Variants in C14orf132 observed in about 807,000 individuals in gnomAD.
The protein encoded by C14orf132 is chromosome 14 open reading frame 132.
A neutral mutation model predicts 5.8 loss-of-function variants in C14orf132; 6 were observed. The ratio of observed to expected loss-of-function variants is 1.03; its 90% CI spans 0.57 to 2.04. The LOEUF (loss-of-function observed/expected upper bound fraction) is 2.04. C14orf132 is among the 30% of genes most tolerant of loss of function. The probability of loss-of-function intolerance (pLI) is 0.00; values close to 1 mark genes in which losing one functional copy is unlikely to be tolerated. For synonymous variants in C14orf132, 51 were observed against 49.8 expected, an observed-to-expected ratio of 1.02 and a Z score of -0.10; for missense variants, 125 against 115.8, an observed-to-expected ratio of 1.08 and a Z score of -0.37.
chr14:96,040,394 T>A, intron 1 of C14orf132: 1 of 397,584 alleles, frequency 2.5e-6, no homozygotes, highest in East Asian at 3.6e-5. Context: ...CAAAGCCACA[T>A]CTTGCACCTT....
At chr14:96,086,474 C>T (rs1888188881) in intron 1 of C14orf132, 37 bp from the exon 2 acceptor site, 1 of 1,521,240 alleles carries the variant, frequency 6.6e-7, no homozygotes, top group Non-Finnish European at 8.8e-7. Flanking sequence ...CCCAAGCCCC[C>T]ATGGCCCTGG....
At chr14:96,055,795 T>A (rs1887165634) in intron 1 of C14orf132, among the ~76,000 whole-genome samples, 1 of 152,224 alleles carries the variant, frequency 6.6e-6, no homozygotes, top group African/African-American at 2.4e-5. Flanking sequence ...CCCATCCTTC[T>A]GACCACTTAA....
chr14:96,039,914 C>T lies in C14orf132; in HGVS notation c.27+387C>T, dbSNP rs1308046435. 6.6e-6 allele frequency among the ~76,000 whole-genome samples: 1 copy of T among 152,192 alleles called. No homozygotes were observed. The highest frequency in any genetic ancestry group is 6.5e-5 in the Admixed American group (1 of 15,284). On this transcript the variant is annotated intron_variant, in intron 1 of 1. Coordinates refer to ENST00000555004, the MANE Select transcript of C14orf132 (RefSeq NM_001252507.3). The surrounding 1 kb of genome is among the most constrained non-coding windows in gnomAD (Gnocchi z 5.3). ...AGACCCGCGCGAACGTGGATGGGCA[C>T]ACAGTCTCGCCCTTCCCCACTCTGT...
chr14:96,050,523 T>C (rs1780802282), intron 1 of C14orf132, among the ~76,000 whole-genome samples: 1 of 152,074 alleles, frequency 6.6e-6, no homozygotes, highest in Non-Finnish European at 1.5e-5. Context: ...TGTACAAACA[T>C]GCATTCATCT....
At chr14:96,052,738 C>T (rs1392354386) in intron 1 of C14orf132, among the ~76,000 whole-genome samples, 2 of 151,912 alleles carry the variant, frequency 1.3e-5, no homozygotes, top group Non-Finnish European at 2.9e-5. Flanking sequence ...CAGTCCCCAG[C>T]GCCCCTCTCT....
chr14:96,090,579 C>T lies in C14orf132; in HGVS notation c.*3844C>T, dbSNP rs1356145041. On this transcript the variant is annotated 3_prime_UTR_variant, in exon 2 of 2. Coordinates refer to ENST00000555004, the MANE Select transcript of C14orf132 (RefSeq NM_001252507.3). ...CAGCTCTTCCTACTCCAAGCCAATG[C>T]TGTCCTTCCCCTTTCCCATGAAATC... 1 of 455,952 alleles carries T rather than the reference C, an allele frequency of 2.2e-6. No individual in the cohort carries two copies. The highest frequency in any genetic ancestry group is 4.4e-6 in the Non-Finnish European group (1 of 226,750). The allele number at this position is 455,952 out of a possible 1,614,324, so 28.2% of individuals were successfully genotyped here.
Position 96,091,635 on chromosome 14 carries a change from G to A in C14orf132, c.*4900G>A, listed in dbSNP as rs1888409795. The A allele has an allele frequency of 6.5e-6, 1 of 154,158 alleles. No homozygotes were observed. The highest frequency in any genetic ancestry group is 6.4e-5 in the Admixed American group (1 of 15,526). 9.5% of individuals were successfully genotyped at this position (154,158 alleles called of 1,614,324 possible). ...CGAGCAAGTGCCAGGGTTGGGCTGA[G>A]CTGCTATGACAGGGAGGCCCAGGGA... On this transcript the variant is annotated 3_prime_UTR_variant, in exon 2 of 2. Coordinates refer to ENST00000555004, the MANE Select transcript of C14orf132 (RefSeq NM_001252507.3).
intron 1 of C14orf132, among the ~76,000 whole-genome samples, chr14:96,080,839 C>G (rs963705348): frequency 6.6e-6 from 1 of 152,200 alleles, no homozygotes; most frequent in African/African-American, 2.4e-5. Context: ...GGACCCCAAG[C>G]CTGGGGCACC....
chr14:96,076,901 T>C (rs1887885515), intron 1 of C14orf132, among the ~76,000 whole-genome samples: 2 of 152,272 alleles, frequency 1.3e-5, no homozygotes, highest in South Asian at 4.1e-4. Flanking sequence ...TCCCTCTTGA[T>C]CCATGGATTA....
In C14orf132 at chr14:96,075,159, T is replaced by C. The variant is rs568003218; in HGVS notation, c.28-11352T>C. 3.3e-5 allele frequency among the ~76,000 whole-genome samples: 5 copies of C among 152,322 alleles called. No individual in the cohort carries two copies. The South Asian group carries it at 1.0e-3, about 32-fold the overall frequency. On this transcript the variant is annotated intron_variant, in intron 1 of 1. Transcript: ENST00000555004. ...GTTAGATCTAGGCTAAGTATTTTAT[T>C]TTTTGGTGTTGTTGTAAATGGTGCT...
chr14:96,039,430 A>T lies in C14orf132; in HGVS notation c.-71A>T. The T allele has an allele frequency of 7.1e-7, 1 of 1,413,634 alleles. No individual in the cohort carries two copies. Among genetic ancestry groups the T allele is most frequent in the Non-Finnish European group, 9.3e-7 (1 of 1,073,744 alleles). The allele number at this position is 1,413,634 out of a possible 1,614,324, so 87.6% of individuals were successfully genotyped here. A position where few individuals can be genotyped will look rare whatever the true frequency, so the allele number is the denominator to read the frequency against. On this transcript the variant is annotated 5_prime_UTR_variant, in exon 1 of 2. Coordinates refer to ENST00000555004, the MANE Select transcript of C14orf132 (RefSeq NM_001252507.3). The surrounding 1 kb of genome is among the most constrained non-coding windows in gnomAD (Gnocchi z 5.3). Reference sequence around the variant, plus strand: ...CTCGCTGCTCAGCCCGATCCCCGCCAACTGTGCAGGCGGCTGACCCGCAGC... The same window carrying T: ...CTCGCTGCTCAGCCCGATCCCCGCCTACTGTGCAGGCGGCTGACCCGCAGC...
intron 1 of C14orf132, among the ~76,000 whole-genome samples, chr14:96,082,583 G>C (rs1485229719): frequency 6.6e-6 from 1 of 152,210 alleles, no homozygotes; most frequent in Non-Finnish European, 1.5e-5. Context: ...CAGCTTTGGA[G>C]CACCTCTCAG....
chr14:96,058,827 C>T (rs540727380), intron 1 of C14orf132, among the ~76,000 whole-genome samples: 3 of 152,306 alleles, frequency 2.0e-5, no homozygotes, highest in African/African-American at 4.8e-5. Context: ...GGGAACAGCT[C>T]GGGGGCTATC....
At chr14:96,069,529 G>A (rs1167972804) in intron 1 of C14orf132, among the ~76,000 whole-genome samples, 1 of 152,082 alleles carries the variant, frequency 6.6e-6, no homozygotes, top group African/African-American at 2.4e-5. Flanking sequence ...ACCATGATTA[G>A]CCAGGGCAGG....
chr14:96,092,150 A>C lies in C14orf132; in HGVS notation c.*5415A>C, dbSNP rs1377595855. 3 of 152,250 alleles carry C rather than the reference A, an allele frequency of 2.0e-5. No individual in the cohort carries two copies. The highest frequency in any genetic ancestry group is 7.2e-5 in the African/African-American group (3 of 41,460). The allele number at this position is 152,250 out of a possible 1,614,324, so 9.4% of individuals were successfully genotyped here. On this transcript the variant is annotated 3_prime_UTR_variant, in exon 2 of 2. Coordinates refer to ENST00000555004, the MANE Select transcript of C14orf132 (RefSeq NM_001252507.3). ...TTCTGAGTCACTGTAGAAGTCATGC[A>C]TTTATTATCAAGATAGAAAAGAGCA...
At chr14:96,075,839 A>G (rs8020571) in intron 1 of C14orf132, among the ~76,000 whole-genome samples, 83,366 of 151,900 alleles carry the variant, frequency 0.55, 23,440 homozygotes, top group East Asian at 0.9. Flanking sequence ...GTCTTGTTCA[A>G]TTGAGATATT....
At chr14:96,046,592 T>C (rs889833084) in intron 1 of C14orf132, among the ~76,000 whole-genome samples, 1 of 152,238 alleles carries the variant, frequency 6.6e-6, no homozygotes, top group South Asian at 2.1e-4. Context: ...GAGCTGGGAA[T>C]TCCCCCACCT....
chr14:96,048,700 G>A (rs1485953011), intron 1 of C14orf132, among the ~76,000 whole-genome samples: 1 of 151,568 alleles, frequency 6.6e-6, no homozygotes, highest in East Asian at 1.9e-4. Flanking sequence ...TAATTTTTGT[G>A]TTTTTAGTGG....
At chr14:96,056,604 G>C (rs373780049) in intron 1 of C14orf132, among the ~76,000 whole-genome samples, 1 of 152,176 alleles carries the variant, frequency 6.6e-6, no homozygotes, top group African/African-American at 2.4e-5. Context: ...CTCCTGGCTC[G>C]TGGAGGTGTA....
Sources: gnomAD v4.1 joint callset for allele counts (sites outside exome capture counted in the v4.1 genomes callset) on GRCh38, gnomAD v4.1.1 for gene constraint, Gnocchi (gnomAD v3.1) non-coding constraint, MANE v1.5 for transcripts, NCBI Gene and HGNC (gene_info 2026-07-23, HGNC 2026-07-21) for gene names.